The following GTF2A1L variants were observed in gnomAD, a reference collection of about 807,000 sequenced individuals.
GTF2A1L encodes TFIIA-alpha and beta-like factor.
Under a neutral mutation model 49.7 loss-of-function variants are expected in GTF2A1L, and 48 were observed. That is an observed-to-expected ratio of 0.97 (90% CI 0.77 to 1.23). GTF2A1L has a LOEUF of 1.23. Among genes scored for constraint, GTF2A1L ranks in the 50% most tolerant of loss-of-function variants. The probability of loss-of-function intolerance (pLI) is 0.00; values close to 1 mark genes in which losing one functional copy is unlikely to be tolerated. For synonymous variants in GTF2A1L, 246 were observed against 193.5 expected, an observed-to-expected ratio of 1.27 and a Z score of -2.25; for missense variants, 736 against 564.8, an observed-to-expected ratio of 1.30 and a Z score of -3.07.
intron 6 of GTF2A1L, among the ~76,000 whole-genome samples, chr2:48,659,118 A>G (rs1163003756): frequency 6.6e-6 from 1 of 152,018 alleles, no homozygotes; most frequent in African/African-American, 2.4e-5. Flanking sequence ...TTGCCTTTAT[A>G]TATATATTAG....
chr2:48,622,307 A>C (rs1481147783), intron 3 of GTF2A1L, among the ~76,000 whole-genome samples: 1 of 152,262 alleles, frequency 6.6e-6, no homozygotes, highest in Admixed American at 6.5e-5. Context: ...TGTGTTAATA[A>C]AGTATAATTT....
At chr2:48,658,905 C>G (rs1678330370) in intron 6 of GTF2A1L, among the ~76,000 whole-genome samples, 1 of 151,844 alleles carries the variant, frequency 6.6e-6, no homozygotes, top group Non-Finnish European at 1.5e-5. Flanking sequence ...CTAGCTAGTG[C>G]TTGCTTGTAT....
intron 6 of GTF2A1L, among the ~76,000 whole-genome samples, chr2:48,649,094 G>A (rs1306540281): frequency 6.6e-6 from 1 of 152,094 alleles, no homozygotes; most frequent in Non-Finnish European, 1.5e-5. Context: ...ATTCTTGATA[G>A]CTTTTAATTC....
rs750466102 is a variant in GTF2A1L at position 48,669,871 on chromosome 2, T to G, written c.1128T>G (p.Ile376Met). Residue 376 changes from isoleucine to methionine, a missense_variant, in exon 7 of 9, where the codon ATT (isoleucine) becomes ATG (methionine). By Grantham distance (10) the Ile-to-Met change is conservative. Transcript: ENST00000403751. ...DADENEFLGNIDGGDLKVPEE... is the reference protein window; with the variant it reads ...DADENEFLGNMDGGDLKVPEE... ...ATGAGAATGAATTTCTAGGGAATAT[T>G]GACGGGGGAGATCTGAAGGTACCTG... The G allele has an allele frequency of 5.0e-6, 8 of 1,614,068 alleles. No homozygotes were observed. Among genetic ancestry groups the G allele is most frequent in the Non-Finnish European group, 6.8e-6 (8 of 1,180,006 alleles).
At chr2:48,649,508 T>G (rs879914197) in intron 6 of GTF2A1L, among the ~76,000 whole-genome samples, 1 of 152,222 alleles carries the variant, frequency 6.6e-6, no homozygotes, top group Non-Finnish European at 1.5e-5. Flanking sequence ...TTGAATCCCT[T>G]CTCTATTCCT....
intron 6 of GTF2A1L, among the ~76,000 whole-genome samples, chr2:48,663,689 G>T (rs939286843): frequency 2.0e-5 from 3 of 151,972 alleles, no homozygotes; most frequent in African/African-American, 7.3e-5. Context: ...TGCTCAGGCT[G>T]GAGTGCAGTG....
chr2:48,644,410 T>G (rs770386314), intron 4 of GTF2A1L, among the ~76,000 whole-genome samples: 15 of 152,196 alleles, frequency 9.9e-5, no homozygotes, highest in Non-Finnish European at 2.1e-4. Flanking sequence ...TTGACCTTCG[T>G]GGATGCAGCA....
At chr2:48,632,557 AT>A (rs1484907130) in intron 3 of GTF2A1L, 1 of 152,410 alleles carries the variant, frequency 6.6e-6, no homozygotes, top group Non-Finnish European at 1.5e-5. Context: ...TAATTTTTTT[AT>A]TTTTAGTAGA....
chr2:48,629,385 T>G (rs2104100287), intron 3 of GTF2A1L, among the ~76,000 whole-genome samples: 1 of 144,890 alleles, frequency 6.9e-6, no homozygotes, highest in Middle Eastern at 3.5e-3. Flanking sequence ...GTAAGAATTG[T>G]ACTGAGTACA....
chr2:48,624,091 T>C lies in GTF2A1L; in HGVS notation c.247+2801T>C, dbSNP rs1676168946. On this transcript the variant is annotated intron_variant, in intron 3 of 8. Transcript: ENST00000403751. ...TGTTTGCTCTATCATATGTTCTTCG[T>C]TTTTTATTTGTGTAGTAATTTCCTG... Among the ~76,000 whole-genome samples, 2 of 104,684 alleles carry C rather than the reference T, an allele frequency of 1.9e-5. 1 individual carries two copies. Among genetic ancestry groups the C allele is most frequent in the South Asian group, 7.3e-4 (2 of 2,742 alleles). The allele number at this position is 104,684 out of a possible 152,430, so 68.7% of individuals were successfully genotyped here.
intron 6 of GTF2A1L, among the ~76,000 whole-genome samples, chr2:48,656,580 A>G (rs1678190753): frequency 6.6e-6 from 1 of 151,842 alleles, no homozygotes; most frequent in Non-Finnish European, 1.5e-5. Context: ...AGTTCTTTAT[A>G]TATCCTGGAT....
intron 3 of GTF2A1L, among the ~76,000 whole-genome samples, chr2:48,624,519 A>T (rs1245483274): frequency 1.4e-5 from 2 of 144,180 alleles, no homozygotes; most frequent in Non-Finnish European, 3.1e-5. Flanking sequence ...GCAAATTAAC[A>T]TATCTGTCAT....
intron 3 of GTF2A1L, among the ~76,000 whole-genome samples, chr2:48,624,365 G>A (rs546017521): frequency 7.0e-6 from 1 of 143,564 alleles, no homozygotes; most frequent in Non-Finnish European, 1.6e-5. Context: ...AATTAATGTC[G>A]GCTTAATGAG....
chr2:48,673,112 C>T (rs1448683131), intron 8 of GTF2A1L, among the ~76,000 whole-genome samples: 1 of 152,130 alleles, frequency 6.6e-6, no homozygotes, highest in Non-Finnish European at 1.5e-5. Flanking sequence ...CATGTTGTAA[C>T]ATATATCACG....
At chr2:48,648,511 T>C (rs981562403) in intron 6 of GTF2A1L, among the ~76,000 whole-genome samples, 9 of 152,058 alleles carry the variant, frequency 5.9e-5, no homozygotes, top group African/African-American at 2.2e-4. Context: ...CAAGGATTGA[T>C]TGGGGGTAGT....
chr2:48,658,035 T>G (rs1572752960), intron 6 of GTF2A1L, among the ~76,000 whole-genome samples: 1 of 152,304 alleles, frequency 6.6e-6, no homozygotes, highest in East Asian at 1.9e-4. Flanking sequence ...TTTGTGAATA[T>G]TTTCTCTAAT....
intron 3 of GTF2A1L, among the ~76,000 whole-genome samples, chr2:48,636,092 T>C (rs544259373): frequency 1.3e-5 from 2 of 152,282 alleles, no homozygotes; most frequent in South Asian, 4.1e-4. Flanking sequence ...TCCTGCATGA[T>C]TCCATTAGAT....
chr2:48,666,605 GTGTGTGTT>G (rs1472904931), intron 6 of GTF2A1L, among the ~76,000 whole-genome samples: 1 of 151,480 alleles, frequency 6.6e-6, no homozygotes, highest in African/African-American at 2.4e-5. Context: ...GTGTGTGTGT[GTGTGTGTT>G]TGTGTGTGTG....
intron 6 of GTF2A1L, among the ~76,000 whole-genome samples, chr2:48,654,995 C>G (rs910557892): frequency 6.6e-6 from 1 of 151,892 alleles, no homozygotes; most frequent in Non-Finnish European, 1.5e-5. Flanking sequence ...TTTATATTTC[C>G]ATATAAATAT....
Sources: gnomAD v4.1 joint callset for allele counts (sites outside exome capture counted in the v4.1 genomes callset) on GRCh38, gnomAD v4.1.1 for gene constraint, MANE v1.5 for transcripts, NCBI Gene and HGNC (gene_info 2026-07-23, HGNC 2026-07-21) for gene names.